AKT3: variants seen among roughly 807,000 people sequenced by gnomAD.
The protein encoded by AKT3 is AKT serine/threonine kinase 3.
In AKT3, 15 loss-of-function variants were observed where a neutral mutation model predicts 65.3. That is an observed-to-expected ratio of 0.23 (90% CI 0.15 to 0.35). AKT3 has a LOEUF of 0.35. Among genes scored for constraint, AKT3 ranks in the 10% least tolerant of loss-of-function variants. AKT3 has a pLI of 1.00. For missense variants in AKT3, 243 were observed against 576.5 expected, an observed-to-expected ratio of 0.42 and a Z score of 5.92; for synonymous variants, 206 against 183.8, an observed-to-expected ratio of 1.12 and a Z score of -0.98.
intron 12 of AKT3, among the ~76,000 whole-genome samples, chr1:243,515,756 C>T (rs1574516310): frequency 6.6e-6 from 1 of 152,004 alleles, no homozygotes; most frequent in Non-Finnish European, 1.5e-5. Context: ...TTTGGGAGGC[C>T]GAGGCAGGCA....
At chr1:243,782,104 G>T (rs780764947) in intron 2 of AKT3, among the ~76,000 whole-genome samples, 7 of 152,196 alleles carry the variant, frequency 4.6e-5, no homozygotes, top group African/African-American at 1.7e-4. Context: ...TTACAGGTGT[G>T]AGCCACTACA....
intron 6 of AKT3, among the ~76,000 whole-genome samples, chr1:243,616,048 G>C (rs1678280735): frequency 6.6e-6 from 1 of 151,788 alleles, no homozygotes; most frequent in Non-Finnish European, 1.5e-5. Flanking sequence ...TTGGGGGCGT[G>C]GGTGTTACAC....
chr1:243,755,496 TTAC>T (rs1163433016), intron 2 of AKT3, among the ~76,000 whole-genome samples: 1 of 152,182 alleles, frequency 6.6e-6, no homozygotes, highest in East Asian at 1.9e-4. Flanking sequence ...AATTCTCCAG[TTAC>T]TACTAGTATA....
At chr1:243,545,484 C>A (rs780313060) in intron 12 of AKT3, 26 bp downstream of exon 12, 2 of 1,434,014 alleles carry the variant, frequency 1.4e-6, no homozygotes, top group Non-Finnish European at 2.0e-6. Flanking sequence ...AAAATATATA[C>A]ACACTATGCC....
intron 12 of AKT3, among the ~76,000 whole-genome samples, chr1:243,521,810 C>CAT (rs1486229022): frequency 6.6e-6 from 1 of 152,192 alleles, no homozygotes; most frequent in African/African-American, 2.4e-5. Flanking sequence ...TTTGTTAACA[C>CAT]ATGATATGGA....
intron 3 of AKT3, among the ~76,000 whole-genome samples, chr1:243,692,537 A>G (rs1208587376): frequency 6.6e-6 from 1 of 151,552 alleles, no homozygotes; most frequent in Non-Finnish European, 1.5e-5. Flanking sequence ...GTTTGAGACC[A>G]GCCTGGCCAA....
At chr1:243,563,352 C>T (rs1673926899) in intron 10 of AKT3, among the ~76,000 whole-genome samples, 1 of 152,122 alleles carries the variant, frequency 6.6e-6, no homozygotes, top group Non-Finnish European at 1.5e-5. Context: ...TTAAAAACCA[C>T]TGTTGTTTCT....
intron 2 of AKT3, among the ~76,000 whole-genome samples, chr1:243,807,245 C>T (rs938393185): frequency 2.6e-5 from 4 of 152,172 alleles, no homozygotes; most frequent in Non-Finnish European, 5.9e-5. Context: ...CATCACCTCA[C>T]CCGGGAAGCA....
At chr1:243,744,016 C>T (rs1688324598) in intron 2 of AKT3, among the ~76,000 whole-genome samples, 1 of 152,158 alleles carries the variant, frequency 6.6e-6, no homozygotes. Flanking sequence ...ACATAGCCAA[C>T]AGAAATGTGT....
At chr1:243,545,486 C>G in intron 12 of AKT3, 24 bp downstream of exon 12, 1 of 1,456,566 alleles carries the variant, frequency 6.9e-7, no homozygotes, top group Non-Finnish European at 9.6e-7. Flanking sequence ...AATATATACA[C>G]ACTATGCCAT....
At chr1:243,705,159 A>C (rs1305268755) in intron 2 of AKT3, among the ~76,000 whole-genome samples, 5 of 152,242 alleles carry the variant, frequency 3.3e-5, no homozygotes, top group Non-Finnish European at 5.9e-5. Flanking sequence ...TTTTACATTA[A>C]GTACAGTTTT....
intron 6 of AKT3, 79 bp from the exon 7 acceptor site, chr1:243,615,240 G>T: frequency 8.7e-7 from 1 of 1,154,482 alleles, no homozygotes; most frequent in South Asian, 1.4e-5. Flanking sequence ...TCTAAAATTG[G>T]AAGAGGTTAA....
rs1330130007 is a variant in AKT3, at chr1:243,525,988, T to A, written c.1252-13562A>T. On this transcript the variant is annotated intron_variant, in intron 12 of 13. Transcript: ENST00000673466. ...TAGAAAACCTCACCTAAACACATTA[T>A]AGTCAAAAGGCTTAAAACCAGAGTC... is the stretch of plus-strand genomic sequence containing the variant. 2.0e-5 allele frequency among the ~76,000 whole-genome samples: 3 copies of A among 151,358 alleles called. No individual in the cohort carries two copies. In the East Asian group the frequency reaches 5.9e-4, roughly 30 times the overall value.
intron 2 of AKT3, among the ~76,000 whole-genome samples, chr1:243,838,539 T>C (rs1316210248): frequency 6.6e-6 from 1 of 152,140 alleles, no homozygotes; most frequent in Non-Finnish European, 1.5e-5. Context: ...AAAAGACCCC[T>C]GGACTTAGAT....
intron 13 of AKT3, among the ~76,000 whole-genome samples, chr1:243,506,615 G>C (rs1424382993): frequency 6.6e-6 from 1 of 152,180 alleles, no homozygotes; most frequent in African/African-American, 2.4e-5. Context: ...CTAGAAATGG[G>C]ATCAAGCTGG....
intron 2 of AKT3, among the ~76,000 whole-genome samples, chr1:243,824,490 T>A (rs1218976085): frequency 6.6e-6 from 1 of 151,624 alleles, no homozygotes; most frequent in Admixed American, 6.6e-5. Context: ...AGGGAGAAAA[T>A]TTTTGCAATC....
At chr1:243,509,778 T>C (rs745774083) in intron 13 of AKT3, among the ~76,000 whole-genome samples, 7 of 152,116 alleles carry the variant, frequency 4.6e-5, no homozygotes, top group African/African-American at 1.2e-4. Context: ...GAACTCTCGG[T>C]GCCTCTCCTA....
chr1:243,583,540 C>CAAAAAAAAAAAAAAAAAAAAAA (rs1294857854), intron 8 of AKT3, among the ~76,000 whole-genome samples: 1 of 30,004 alleles, frequency 3.3e-5, no homozygotes, highest in Non-Finnish European at 7.3e-5. Context: ...AAGTAAGTCT[C>CAAAAAAAAAAAAAAAAAAAAAA]AAAAAAAAAA....
At chr1:243,555,147 G>C (rs570153390) in intron 10 of AKT3, among the ~76,000 whole-genome samples, 1 of 152,018 alleles carries the variant, frequency 6.6e-6, no homozygotes, top group Non-Finnish European at 1.5e-5. Flanking sequence ...ACTGTTTGCC[G>C]TATTACTTTG....
Sources: gnomAD v4.1 joint callset for allele counts (sites outside exome capture counted in the v4.1 genomes callset) on GRCh38, gnomAD v4.1.1 for gene constraint, MANE v1.5 for transcripts, NCBI Gene and HGNC (gene_info 2026-07-23, HGNC 2026-07-21) for gene names.